Variants in KCNQ5 observed in about 807,000 individuals in gnomAD.
KCNQ5 encodes the protein potassium voltage-gated channel subfamily Q member 5.
KCNQ5 carries 30 observed loss-of-function variants against 98.2 expected under a neutral mutation model. The ratio of observed to expected loss-of-function variants is 0.31; its 90% CI spans 0.23 to 0.41. The LOEUF (loss-of-function observed/expected upper bound fraction) is 0.41, where lower values mean the gene tolerates loss of function less well. KCNQ5 is among the 10% of genes least tolerant of loss of function. The probability of loss-of-function intolerance (pLI) is 1.00; values close to 1 mark genes in which losing one functional copy is unlikely to be tolerated. For synonymous variants in KCNQ5, 458 were observed against 449.4 expected (o/e 1.02, Z -0.24); for missense variants, 835 against 1,182.5 (o/e 0.71, Z 4.31).
intron 1 of KCNQ5, among the ~76,000 whole-genome samples, chr6:72,653,879 G>A (rs936897619): frequency 6.6e-6 from 1 of 151,852 alleles, no homozygotes; most frequent in Non-Finnish European, 1.5e-5. Context: ...ACATATCTTT[G>A]TACTCAATAA....
intron 1 of KCNQ5, among the ~76,000 whole-genome samples, chr6:72,767,891 A>G (rs1225887887): frequency 6.6e-6 from 1 of 152,028 alleles, no homozygotes; most frequent in African/African-American, 2.4e-5. Context: ...GTAGGAATGT[A>G]AAATGGTGCA....
intron 1 of KCNQ5, among the ~76,000 whole-genome samples, chr6:72,905,385 A>C (rs980670005): frequency 1.3e-5 from 2 of 151,904 alleles, no homozygotes; most frequent in Non-Finnish European, 2.9e-5. Flanking sequence ...TAAATCAGGG[A>C]TTCTTCTTGG....
At chr6:73,164,987 T>A (rs561478377) in intron 10 of KCNQ5, among the ~76,000 whole-genome samples, 1 of 152,148 alleles carries the variant, frequency 6.6e-6, no homozygotes, top group East Asian at 1.9e-4. Context: ...GGAATCTTTT[T>A]TTTTTTTAAG....
intron 1 of KCNQ5, among the ~76,000 whole-genome samples, chr6:72,907,402 G>T (rs1277824327): frequency 1.3e-5 from 2 of 152,028 alleles, no homozygotes; most frequent in African/African-American, 4.8e-5. Flanking sequence ...CTGTTTGGAG[G>T]TTTATTATTT....
chr6:72,752,267 A>G (rs998068106), intron 1 of KCNQ5, among the ~76,000 whole-genome samples: 1 of 152,154 alleles, frequency 6.6e-6, no homozygotes, highest in Non-Finnish European at 1.5e-5. Context: ...CACTAAAGTC[A>G]TGCTATGTGC....
At chr6:72,975,517 G>T (rs1046855792) in intron 1 of KCNQ5, among the ~76,000 whole-genome samples, 2 of 152,112 alleles carry the variant, frequency 1.3e-5, no homozygotes, top group African/African-American at 4.8e-5. Flanking sequence ...AAGTGCCATT[G>T]TAGGTCAATC....
At chr6:72,812,103 A>G (rs1349984866) in intron 1 of KCNQ5, among the ~76,000 whole-genome samples, 2 of 152,190 alleles carry the variant, frequency 1.3e-5, no homozygotes, top group African/African-American at 2.4e-5. Context: ...CAATTAGCTT[A>G]TAATGAGCAG....
intron 10 of KCNQ5, among the ~76,000 whole-genome samples, chr6:73,162,835 A>AT (rs932751011): frequency 6.6e-6 from 1 of 151,968 alleles, no homozygotes; most frequent in Non-Finnish European, 1.5e-5. Context: ...GCCTGCATGG[A>AT]TTTTCTGCAG....
At chr6:73,132,293 A>C (rs2150455840) in intron 9 of KCNQ5, among the ~76,000 whole-genome samples, 1 of 151,758 alleles carries the variant, frequency 6.6e-6, no homozygotes, top group East Asian at 1.9e-4. Context: ...CTTCCCTCAG[A>C]CTCATTGCCC....
chr6:72,920,029 C>G (rs1424717808), intron 1 of KCNQ5, among the ~76,000 whole-genome samples: 2 of 152,148 alleles, frequency 1.3e-5, no homozygotes, highest in African/African-American at 4.8e-5. Flanking sequence ...GGGCCAGGCA[C>G]AGTGGCTCAA....
intron 1 of KCNQ5, among the ~76,000 whole-genome samples, chr6:72,842,594 T>C (rs1776843708): frequency 6.6e-6 from 1 of 152,190 alleles, no homozygotes; most frequent in Non-Finnish European, 1.5e-5. Flanking sequence ...TAATTTACAC[T>C]CCTACCAACA....
At chr6:73,007,484 T>C (rs1171207470) in intron 2 of KCNQ5, among the ~76,000 whole-genome samples, 2 of 152,142 alleles carry the variant, frequency 1.3e-5, no homozygotes, top group Non-Finnish European at 2.9e-5. Flanking sequence ...TAAACAACAA[T>C]TGCACTGGCA....
At chr6:72,809,486 A>C (rs1775133168) in intron 1 of KCNQ5, among the ~76,000 whole-genome samples, 1 of 151,696 alleles carries the variant, frequency 6.6e-6, no homozygotes, top group Non-Finnish European at 1.5e-5. Flanking sequence ...AGGGAGGTGG[A>C]GGTTGCAGTG....
intron 2 of KCNQ5, among the ~76,000 whole-genome samples, chr6:73,010,164 G>C (rs558025890): frequency 6.6e-6 from 1 of 152,046 alleles, no homozygotes; most frequent in Non-Finnish European, 1.5e-5. Context: ...CTTGGTCAAA[G>C]GGGATTTAGT....
chr6:73,080,935 C>T (rs1773739035), intron 5 of KCNQ5, among the ~76,000 whole-genome samples: 1 of 152,066 alleles, frequency 6.6e-6, no homozygotes, highest in Non-Finnish European at 1.5e-5. Flanking sequence ...AAACTTTGAT[C>T]CCTGAAAGCA....
chr6:72,686,479 A>G (rs1172075461), intron 1 of KCNQ5, among the ~76,000 whole-genome samples: 2 of 152,200 alleles, frequency 1.3e-5, no homozygotes, highest in Non-Finnish European at 2.9e-5. Context: ...AGGTATTCAC[A>G]GTCTACCCAC....
rs1413616059 is a variant in KCNQ5, at chr6:73,198,226, ATACT to A, written c.*2815_*2818del. The A allele has an allele frequency of 6.6e-6, 1 of 152,226 alleles. No individual in the cohort carries two copies. Among genetic ancestry groups the A allele is most frequent in the Non-Finnish European group, 1.5e-5 (1 of 68,042 alleles). The allele number at this position is 152,226 out of a possible 1,614,324, so 9.4% of individuals were successfully genotyped here. On this transcript the variant is annotated 3_prime_UTR_variant, in exon 14 of 14. Transcript: ENST00000370398. ...TCAACATGTAGGGTTGATCAAGCTA[ATACT>A]TAATTGCAAATATCCCTTGTATGAG...
chr6:72,919,937 T>C (rs1312982272), intron 1 of KCNQ5, among the ~76,000 whole-genome samples: 1 of 152,204 alleles, frequency 6.6e-6, no homozygotes. Context: ...AGTTGTCCAC[T>C]ACAATCCAGA....
chr6:72,949,887 A>G (rs1405211252), intron 1 of KCNQ5, among the ~76,000 whole-genome samples: 1 of 152,192 alleles, frequency 6.6e-6, no homozygotes, highest in Non-Finnish European at 1.5e-5. Context: ...TTAATGCTAT[A>G]TTTAACCATG....
Sources: gnomAD v4.1 joint callset for allele counts (sites outside exome capture counted in the v4.1 genomes callset) on GRCh38, gnomAD v4.1.1 for gene constraint, MANE v1.5 for transcripts, NCBI Gene and HGNC (gene_info 2026-07-23, HGNC 2026-07-21) for gene names.